CENPH: variants seen among roughly 807,000 people sequenced by gnomAD.
CENPH encodes centromere protein H.
Under a neutral mutation model 42.9 loss-of-function variants are expected in CENPH, and 40 were observed. The ratio of observed to expected loss-of-function variants is 0.93; its 90% CI spans 0.72 to 1.21. The LOEUF is 1.21. Ranked by LOEUF, CENPH falls within the 50% of genes most tolerant of loss-of-function variation. The probability of loss-of-function intolerance (pLI) is 0.00; values close to 1 mark genes in which losing one functional copy is unlikely to be tolerated. For synonymous variants in CENPH, 88 were observed against 96.5 expected (o/e 0.91, Z 0.52); for missense variants, 302 against 292.9 (o/e 1.03, Z -0.23).
At chr5:69,206,246 G>T (rs1748157146) in intron 7 of CENPH, among the ~76,000 whole-genome samples, 1 of 150,888 alleles carries the variant, frequency 6.6e-6, no homozygotes, top group Non-Finnish European at 1.5e-5. Context: ...GCAATGGCGT[G>T]ATCTCGGCTC....
chr5:69,198,540 C>T (rs995264132), intron 5 of CENPH, among the ~76,000 whole-genome samples: 3 of 152,118 alleles, frequency 2.0e-5, no homozygotes, highest in African/African-American at 7.2e-5. Flanking sequence ...AGTATCTTAG[C>T]CCACACTGCT....
chr5:69,209,657 T>C, intron 8 of CENPH, 50 bp from the exon 9 acceptor site: 1 of 850,422 alleles, frequency 1.2e-6, no homozygotes, highest in South Asian at 1.6e-5. Context: ...TAAAATCTTG[T>C]TAAATTTTTA....
At chr5:69,206,284 C>T (rs1314859970) in intron 7 of CENPH, among the ~76,000 whole-genome samples, 2 of 146,980 alleles carry the variant, frequency 1.4e-5, no homozygotes, top group Admixed American at 6.8e-5. Flanking sequence ...CAGGTTCAAG[C>T]GATTCTCCTG....
chr5:69,191,526 A>G (rs1747872178), intron 1 of CENPH, among the ~76,000 whole-genome samples: 1 of 152,188 alleles, frequency 6.6e-6, no homozygotes, highest in South Asian at 2.1e-4. Context: ...AAAGAAAAAA[A>G]TCTTAAACAC....
chr5:69,194,813 C>G, intron 3 of CENPH, 118 bp downstream of exon 3: 1 of 555,134 alleles, frequency 1.8e-6, no homozygotes, highest in Non-Finnish European at 3.0e-6. Flanking sequence ...GTGGTGTGAT[C>G]ATAGTTCATT....
At chr5:69,191,976 C>T in intron 2 of CENPH, 126 bp downstream of exon 2, 3 of 542,884 alleles carry the variant, frequency 5.5e-6, no homozygotes, top group Non-Finnish European at 9.9e-6. Flanking sequence ...GCCTCAGCCT[C>T]CTGGGCTCCA....
At chr5:69,192,213 A>C (rs1747884391) in intron 2 of CENPH, among the ~76,000 whole-genome samples, 1 of 152,230 alleles carries the variant, frequency 6.6e-6, no homozygotes, top group African/African-American at 2.4e-5. Flanking sequence ...GTAAACATGC[A>C]AGATATTTAT....
In CENPH at chr5:69,189,750, G is replaced by A. The variant is rs867966071; in HGVS notation, c.116G>A (p.Arg39His). The change falls in exon 1 of 9, where the codon CGC becomes CAC. Residue 39 changes from arginine to histidine, a missense_variant. Arg to His is a conservative substitution (Grantham distance 29, BLOSUM62 0). Coordinates refer to ENST00000283006, the MANE Select transcript of CENPH (RefSeq NM_022909.4). ...AGAQAACSED[R>H]MTLLLRLRAQ... ...GCCCAGGCGGCGTGCAGCGAGGACC[G>A]CATGACCCTGCTCCTCAGGTTGTTC... The A allele has an allele frequency of 3.3e-6, 5 of 1,530,702 alleles. No individual in the cohort carries two copies. Among genetic ancestry groups the A allele is most frequent in the South Asian group, 1.2e-5 (1 of 81,870 alleles). 94.8% of individuals were successfully genotyped at this position (1,530,702 alleles called of 1,614,324 possible). A position where few individuals can be genotyped will look rare whatever the true frequency, so the allele number is the denominator to read the frequency against.
intron 2 of CENPH, among the ~76,000 whole-genome samples, chr5:69,193,922 G>T (rs1747921862): frequency 1.3e-5 from 2 of 151,954 alleles, no homozygotes; most frequent in South Asian, 2.1e-4. Context: ...AAAGTACTGG[G>T]ATTACAGGCA....
intron 5 of CENPH, among the ~76,000 whole-genome samples, chr5:69,199,069 A>T (rs1748014095): frequency 6.6e-6 from 1 of 152,218 alleles, no homozygotes; most frequent in Admixed American, 6.5e-5. Context: ...CTGCACAGAA[A>T]TGTAATCACT....
intron 5 of CENPH, 198 bp downstream of exon 5, chr5:69,197,307 C>T (rs1352635209): frequency 2.5e-6 from 1 of 404,092 alleles, no homozygotes. Flanking sequence ...TGGATTGTAA[C>T]TGTAAGAAGC....
intron 7 of CENPH, among the ~76,000 whole-genome samples, chr5:69,204,597 C>CTATTTTTTTTTT (rs1748116615): frequency 1.4e-5 from 1 of 69,576 alleles, no homozygotes; most frequent in East Asian, 5.0e-4. Context: ...GCTTGTATTT[C>CTATTTTTTTTTT]TTTTTTTTTT....
chr5:69,193,748 G>T (rs1275415992), intron 2 of CENPH, among the ~76,000 whole-genome samples: 2 of 145,152 alleles, frequency 1.4e-5, no homozygotes, highest in African/African-American at 5.1e-5. Context: ...TGCAACCTCC[G>T]CCTCCCGGAT....
rs1391166104 is a variant in CENPH at position 69,208,115 on chromosome 5, G to A, written c.488-81G>A. 2.3e-5 allele frequency: 16 copies of A among 699,010 alleles called. No homozygotes were observed. The South Asian group carries it at 4.9e-4, about 21-fold the overall frequency. 43.3% of individuals were successfully genotyped at this position (699,010 alleles called of 1,614,324 possible). ...TTCTCTTGACTAAAATAACCAAGAA[G>A]TGATCTGCTTCATAATTTTTCAAGA... On this transcript the variant is annotated intron_variant, in intron 7 of 8. Transcript: ENST00000283006.
intron 5 of CENPH, among the ~76,000 whole-genome samples, chr5:69,197,895 A>G (rs115559580): frequency 0.025 from 3,562 of 142,992 alleles, 58 homozygotes; most frequent in Non-Finnish European, 0.038. Flanking sequence ...GTCTGGCCTC[A>G]GAGGTCTTAC....
Position 69,191,863 on chromosome 5 carries a change from A to T in CENPH, c.190+13A>T. The T allele has an allele frequency of 7.0e-7, 1 of 1,428,372 alleles. No homozygotes were observed. The highest frequency in any genetic ancestry group is 9.9e-7 in the Non-Finnish European group (1 of 1,014,316). The allele number at this position is 1,428,372 out of a possible 1,614,324, so 88.5% of individuals were successfully genotyped here. A position where few individuals can be genotyped will look rare whatever the true frequency, so the allele number is the denominator to read the frequency against. ...ATGGTTGATGCAAGTAAGTATTTTC[A>T]TTTTCAAATTAGGGTTTTGTTGTTT... On this transcript the variant is annotated intron_variant, in intron 2 of 8. Transcript: ENST00000283006.
intron 1 of CENPH, 89 bp downstream of exon 1, chr5:69,189,857 C>T: frequency 7.5e-7 from 1 of 1,333,906 alleles, no homozygotes; most frequent in Non-Finnish European, 9.8e-7. Context: ...GGTTCGAATT[C>T]ACGCTCGGTC....
At chr5:69,200,350 A>C (rs1748038224) in intron 5 of CENPH, among the ~76,000 whole-genome samples, 1 of 152,220 alleles carries the variant, frequency 6.6e-6, no homozygotes, top group African/African-American at 2.4e-5. Flanking sequence ...ACTTCTAACT[A>C]GAGATGATCC....
At chr5:69,204,281 G>C (rs1748111225) in intron 7 of CENPH, among the ~76,000 whole-genome samples, 1 of 151,374 alleles carries the variant, frequency 6.6e-6, no homozygotes, top group African/African-American at 2.4e-5. Context: ...AAGATAATCA[G>C]TCTTCAAAGC....
Sources: allele counts gnomAD v4.1 joint callset (sites outside exome capture counted in the v4.1 genomes callset), GRCh38; gene constraint gnomAD v4.1.1; transcripts MANE v1.5; gene names NCBI Gene and HGNC (gene_info 2026-07-23, HGNC 2026-07-21).